NEDD1: variants seen among roughly 807,000 people sequenced by gnomAD.
NEDD1 encodes protein NEDD1.
In NEDD1, 33 loss-of-function variants were observed where a neutral mutation model predicts 74.0. That is an observed-to-expected ratio of 0.45 (90% CI 0.34 to 0.60). The LOEUF is 0.60. NEDD1 is among the 20% of genes least tolerant of loss of function. The pLI is 0.01. For missense variants in NEDD1, 746 were observed against 776.5 expected (o/e 0.96, Z 0.47); for synonymous variants, 250 against 264.4 (o/e 0.95, Z 0.53).
chr12:96,932,076 T>C (rs551043350), intron 6 of NEDD1, among the ~76,000 whole-genome samples: 287 of 152,098 alleles, frequency 1.9e-3, no homozygotes, highest in Non-Finnish European at 2.9e-3. Context: ...CCACCTTTAG[T>C]GAGTGGTATG....
rs765292318 is a variant in NEDD1, at chr12:96,937,307, C to T, written c.1031C>T (p.Ala344Val). 3.1e-6 allele frequency: 5 copies of T among 1,612,006 alleles called. No individual in the cohort carries two copies. The highest frequency in any genetic ancestry group is 1.7e-5 in the Admixed American group (1 of 59,878). ...CAGAATTCCGGAATTGTCAGAGAAG[C>T]ACCTGCCACGTCCATTGCCACAGTT... ...GVQNSGIVRE[A>V]PATSIATVLP... The change falls in exon 9 of 16, where the codon GCA becomes GTA. Residue 344 changes from alanine to valine, a missense_variant. This residue lies in a region of NEDD1 where 706 missense variants were observed against 706.7 expected (regional missense o/e 1.00). Coordinates refer to ENST00000266742, the MANE Select transcript of NEDD1 (RefSeq NM_152905.4).
Position 96,945,705 on chromosome 12 carries a change from C to A in NEDD1, c.1667C>A (p.Ala556Glu). The change falls in exon 14 of 16, where the codon GCA becomes GAA. Residue 556 changes from alanine (A) to glutamate (E), a missense_variant. By Grantham distance (107) the Ala-to-Glu change is moderately radical. Around this residue, in one of 3 missense-constraint regions of NEDD1, gnomAD observed 706 missense variants for 706.7 expected, o/e 1.00. Coordinates refer to ENST00000266742, the MANE Select transcript of NEDD1 (RefSeq NM_152905.4). ...NGSSTPNPKIASSVTAGVASS... is the reference protein window; with the variant it reads ...NGSSTPNPKIESSVTAGVASS... ...TTCTTTATTTTAGATCCAAAGATAGCATCTTCTGTCACTGCTGGAGTTGCC... is the reference window on the plus strand; with the variant it reads ...TTCTTTATTTTAGATCCAAAGATAGAATCTTCTGTCACTGCTGGAGTTGCC... 1 of 1,591,642 alleles carries A rather than the reference C, an allele frequency of 6.3e-7. No homozygotes were observed. Among genetic ancestry groups the A allele is most frequent in the Non-Finnish European group, 8.6e-7 (1 of 1,160,050 alleles).
intron 10 of NEDD1, among the ~76,000 whole-genome samples, chr12:96,941,085 T>A (rs538972537): frequency 1.3e-4 from 20 of 152,118 alleles, no homozygotes; most frequent in Non-Finnish European, 2.8e-4. Context: ...CTTAGTGGAA[T>A]GGAGTTACCT....
intron 1 of NEDD1, 141 bp downstream of exon 1, chr12:96,907,441 CG>C: frequency 1.8e-6 from 1 of 563,362 alleles, no homozygotes. Flanking sequence ...GGTTGCTGGG[CG>C]GGGGCGCGGC....
rs1281902105 is a variant in NEDD1, at chr12:96,952,637, T to C, written c.*584T>C. On this transcript the variant is annotated 3_prime_UTR_variant, in exon 16 of 16. Coordinates refer to ENST00000266742, the MANE Select transcript of NEDD1 (RefSeq NM_152905.4). ...GGAATTTTGAATTGCACAAATTACA[T>C]GATATCTTTTGCATTTATGTTACTA... 1 of 151,838 alleles carries C rather than the reference T, an allele frequency of 6.6e-6. No homozygotes were observed. Among genetic ancestry groups the C allele is most frequent in the Non-Finnish European group, 1.5e-5 (1 of 67,750 alleles). The allele number at this position is 151,838 out of a possible 1,614,324, so 9.4% of individuals were successfully genotyped here. A position where few individuals can be genotyped will look rare whatever the true frequency, so the allele number is the denominator to read the frequency against.
At chr12:96,913,357 C>T (rs184424756) in intron 4 of NEDD1, among the ~76,000 whole-genome samples, 5 of 151,996 alleles carry the variant, frequency 3.3e-5, no homozygotes, top group Admixed American at 2.0e-4. Context: ...GCTCTCACTA[C>T]GTACTGTTGC....
chr12:96,922,305 TAAAG>T (rs938089004), intron 6 of NEDD1, among the ~76,000 whole-genome samples: 20 of 113,360 alleles, frequency 1.8e-4, no homozygotes, highest in African/African-American at 6.7e-4. Context: ...TATATTTTGA[TAAAG>T]AGAGACATAA....
At chr12:96,951,543 G>A in intron 15 of NEDD1, 45 bp downstream of exon 15, 2 of 998,548 alleles carry the variant, frequency 2.0e-6, no homozygotes, top group South Asian at 2.9e-5. Flanking sequence ...TGAAAGTAGA[G>A]TTGTGTGAAT....
At chr12:96,927,471 T>C (rs1592890443) in intron 6 of NEDD1, among the ~76,000 whole-genome samples, 1 of 152,244 alleles carries the variant, frequency 6.6e-6, no homozygotes, top group East Asian at 1.9e-4. Flanking sequence ...TGCATGTCAC[T>C]CTTTAGCAAG....
intron 14 of NEDD1, 43 bp downstream of exon 14, chr12:96,945,892 T>C: frequency 3.0e-6 from 3 of 987,814 alleles, no homozygotes; most frequent in Non-Finnish European, 4.3e-6. Flanking sequence ...ACCTTACTTG[T>C]TTTTTTTTTA....
rs1555202701 is a variant in NEDD1 at position 96,929,623 on chromosome 12, ATT to A, written c.490-5344_490-5343del. 2.5e-3 allele frequency among the ~76,000 whole-genome samples: 312 copies of A among 126,178 alleles called. 3 individuals are homozygous for A. Among genetic ancestry groups the A allele is most frequent in the African/African-American group, 5.8e-3 (193 of 33,016 alleles). 82.8% of individuals were successfully genotyped at this position (126,178 alleles called of 152,430 possible). A position where few individuals can be genotyped will look rare whatever the true frequency, so the allele number is the denominator to read the frequency against. On this transcript the variant is annotated intron_variant, in intron 6 of 15. Coordinates refer to ENST00000266742, the MANE Select transcript of NEDD1 (RefSeq NM_152905.4). ...CACATATGTGTATATATATATATAT[ATT>A]TTTTTTTTAATGGCTGCTTGCTTTC...
intron 7 of NEDD1, among the ~76,000 whole-genome samples, chr12:96,935,600 T>G (rs1877007500): frequency 6.6e-6 from 1 of 152,190 alleles, no homozygotes; most frequent in East Asian, 1.9e-4. Flanking sequence ...GGGGCTGTCC[T>G]GGGTATTGTA....
rs1488238833 is a variant in NEDD1, at chr12:96,935,160, T to C, written c.674T>C (p.Ile225Thr). 6.2e-7 allele frequency: 1 copy of C among 1,611,804 alleles called. No individual in the cohort carries two copies. The highest frequency in any genetic ancestry group is 2.2e-5 in the East Asian group (1 of 44,850). The change falls in exon 7 of 16, where the codon ATA becomes ACA. Residue 225 changes from isoleucine to threonine, a missense_variant. Around this residue, in one of 3 missense-constraint regions of NEDD1, gnomAD observed 706 missense variants for 706.7 expected, o/e 1.00. Coordinates refer to ENST00000266742, the MANE Select transcript of NEDD1 (RefSeq NM_152905.4). Reference sequence around the variant, plus strand: ...GTCAATGAATTGCTCTTTGTAACCATAGGCTTGGATAAAAGAATCATCCTC... The same window carrying C: ...GTCAATGAATTGCTCTTTGTAACCACAGGCTTGGATAAAAGAATCATCCTC... ...SPVNELLFVTIGLDKRIILYD... is the reference protein window; with the variant it reads ...SPVNELLFVTTGLDKRIILYD...
Position 96,912,819 on chromosome 12 carries a change from T to C in NEDD1, c.231+2T>C. 2 of 1,521,030 alleles carry C rather than the reference T, an allele frequency of 1.3e-6. No homozygotes were observed. Among genetic ancestry groups the C allele is most frequent in the Non-Finnish European group, 1.8e-6 (2 of 1,111,300 alleles). The allele number at this position is 1,521,030 out of a possible 1,614,324, so 94.2% of individuals were successfully genotyped here. The stretch of plus-strand genomic sequence containing the variant: ...CCACTTTTAGAGCTTGCTGAAGGGG[T>C]AAGTGATTTTTTTTTTTTTTAAACT... On this transcript the variant is annotated splice_donor_variant, in intron 4 of 15. Coordinates refer to ENST00000266742, the MANE Select transcript of NEDD1 (RefSeq NM_152905.4). LOFTEE classifies it high-confidence loss of function.
At position 96,937,222 on chromosome 12, in the gene NEDD1, A is replaced by G. The variant is rs1365652698; in HGVS notation, c.946A>G (p.Asn316Asp). The G allele has an allele frequency of 1.9e-6, 3 of 1,603,324 alleles. No homozygotes were observed. Among genetic ancestry groups the G allele is most frequent in the Non-Finnish European group, 1.7e-6 (2 of 1,174,982 alleles). ...TKSSLNKGCS[N>D]KPTTVNKRSV... ...GTCAAGTTTAAATAAAGGCTGTTCAAATAAGCCCACAACAGTGAACAAACG... is the reference window on the plus strand; with the variant it reads ...GTCAAGTTTAAATAAAGGCTGTTCAGATAAGCCCACAACAGTGAACAAACG... The change falls in exon 9 of 16, where the codon AAT becomes GAT. Residue 316 changes from asparagine (N) to aspartate (D), a missense_variant. Asn to Asp is a conservative substitution (Grantham distance 23). Coordinates refer to ENST00000266742, the MANE Select transcript of NEDD1 (RefSeq NM_152905.4).
intron 6 of NEDD1, among the ~76,000 whole-genome samples, chr12:96,926,157 CT>C (rs1170584484): frequency 6.6e-6 from 1 of 151,954 alleles, no homozygotes; most frequent in Non-Finnish European, 1.5e-5. Context: ...ATTAAAATAC[CT>C]TTTGTGATTT....
At chr12:96,929,556 T>TACACACACAC (rs71078436) in intron 6 of NEDD1, among the ~76,000 whole-genome samples, 57 of 127,812 alleles carry the variant, frequency 4.5e-4, no homozygotes, top group Non-Finnish European at 7.2e-4. Context: ...TTTTCATGTA[T>TACACACACAC]ACACACACAC....
intron 4 of NEDD1, among the ~76,000 whole-genome samples, chr12:96,916,806 T>C (rs1184909582): frequency 6.6e-6 from 1 of 152,152 alleles, no homozygotes; most frequent in Non-Finnish European, 1.5e-5. Flanking sequence ...AAGTCCACCC[T>C]ACTTATGAAG....
chr12:96,932,720 A>G (rs1027289256), intron 6 of NEDD1, among the ~76,000 whole-genome samples: 1 of 151,272 alleles, frequency 6.6e-6, no homozygotes, highest in Non-Finnish European at 1.5e-5. Context: ...TTTAAAAAAT[A>G]TGTAAAAGAT....
Sources: allele counts gnomAD v4.1 joint callset (sites outside exome capture counted in the v4.1 genomes callset), GRCh38; gene constraint gnomAD v4.1.1; regional missense constraint gnomAD v4.1.1; transcripts MANE v1.5; gene names NCBI Gene and HGNC (gene_info 2026-07-23, HGNC 2026-07-21).